Variants in NR1I3 observed in about 807,000 individuals in gnomAD.
NR1I3 encodes the protein nuclear receptor subfamily 1 group I member 3, also known as constitutive activator of retinoid response.
In NR1I3, 30 loss-of-function variants were observed where a neutral mutation model predicts 38.4. The observed-to-expected ratio is 0.78, with a 90% CI of 0.58 to 1.06. The LOEUF (loss-of-function observed/expected upper bound fraction) is 1.06, where lower values mean the gene tolerates loss of function less well. Among genes scored for constraint, NR1I3 ranks in the 50% least tolerant of loss-of-function variants. NR1I3 has a pLI of 0.00. For synonymous variants in NR1I3, 143 were observed against 165.1 expected (o/e 0.87, Z 1.03); for missense variants, 388 against 435.7 (o/e 0.89, Z 0.97).
At position 161,236,538 on chromosome 1, in the gene NR1I3, T is replaced by A. The variant is rs1668632584; in HGVS notation, c.28A>T (p.Asn10Tyr). Residue 10 changes from asparagine to tyrosine, a missense_variant, in exon 2 of 9, where the codon AAC becomes TAC. Physicochemically the swap from Asn to Tyr is moderately radical, Grantham distance 143. Transcript: ENST00000367983. ...GCTTGGTCCCCACATACCACACAGT[T>A]CCTCAGCTCATCTTCCCTACTGGCC... is the stretch of plus-strand genomic sequence containing the variant. MASREDELRNCVVCGDQATG... is the reference protein window; with the variant it reads MASREDELRYCVVCGDQATG... 1 of 1,613,978 alleles carries A rather than the reference T, an allele frequency of 6.2e-7. No individual in the cohort carries two copies. Among genetic ancestry groups the A allele is most frequent in the African/African-American group, 1.3e-5 (1 of 74,888 alleles).
intron 1 of NR1I3, among the ~76,000 whole-genome samples, chr1:161,236,802 A>C (rs1668685512): frequency 6.6e-6 from 1 of 151,142 alleles, no homozygotes; most frequent in Non-Finnish European, 1.5e-5. Flanking sequence ...ATCTCTGCTC[A>C]TTGCAACCTC....
In NR1I3 at chr1:161,238,123, G is replaced by A; in HGVS notation, c.-116C>T. The A allele has an allele frequency of 1.2e-6, 2 of 1,608,888 alleles. No homozygotes were observed. Among genetic ancestry groups the A allele is most frequent in the Non-Finnish European group, 1.7e-6 (2 of 1,175,606 alleles). On this transcript the variant is annotated 5_prime_UTR_variant, in exon 1 of 9. Transcript: ENST00000367983. ...CTCCCCAAACTCCCACGCTGTTGCT[G>A]GTTTTCCTCTGATCTCAGGAGTTGC...
Position 161,229,703 on chromosome 1 carries a change from CT to C in NR1I3, c.*93del, listed in dbSNP as rs778081793. ...TCTTTCATTGCAACCACTGGGCTCC[CT>C]TTGAACCCGGCCCAATCTTTGGTCC... On this transcript the variant is annotated 3_prime_UTR_variant, in exon 9 of 9. Coordinates refer to ENST00000367983, the MANE Select transcript of NR1I3 (RefSeq NM_005122.5). The C allele has an allele frequency of 6.0e-5, 97 of 1,614,042 alleles. No homozygotes were observed. In the South Asian group the frequency reaches 1.0e-3, roughly 17 times the overall value.
intron 3 of NR1I3, among the ~76,000 whole-genome samples, chr1:161,234,985 CA>C (rs1231870415): frequency 6.6e-6 from 1 of 151,856 alleles, no homozygotes; most frequent in African/African-American, 2.4e-5. Flanking sequence ...ACTAAAAATA[CA>C]AAAAATTAGC....
chr1:161,237,143 C>T (rs1668756309), intron 1 of NR1I3, among the ~76,000 whole-genome samples: 1 of 151,580 alleles, frequency 6.6e-6, no homozygotes, highest in African/African-American at 2.4e-5. Flanking sequence ...CACACCACCA[C>T]ACCAGGATAT....
intron 8 of NR1I3, chr1:161,230,133 G>C (rs1214402365): frequency 1.7e-6 from 1 of 579,178 alleles, no homozygotes; most frequent in Admixed American, 3.2e-5. Flanking sequence ...CTCTCACCAT[G>C]CTCAGTTTTT....
chr1:161,232,793 G>C lies in NR1I3; in HGVS notation c.548+14C>G. On this transcript the variant is annotated intron_variant, in intron 5 of 8. Coordinates refer to ENST00000367983, the MANE Select transcript of NR1I3 (RefSeq NM_005122.5). ...AAGTGTTTGCCTCCTGAAAGATGAGGGGAGGTCACTCACCGGAAGACGGGC... is the reference window on the plus strand; with the variant it reads ...AAGTGTTTGCCTCCTGAAAGATGAGCGGAGGTCACTCACCGGAAGACGGGC... 1 of 1,613,862 alleles carries C rather than the reference G, an allele frequency of 6.2e-7. No individual in the cohort carries two copies. The highest frequency in any genetic ancestry group is 8.5e-7 in the Non-Finnish European group (1 of 1,179,764).
At position 161,231,104 on chromosome 1, in the gene NR1I3, G is replaced by A. The variant is rs931528629; in HGVS notation, c.811+13C>T. 2 of 1,614,014 alleles carry A rather than the reference G, an allele frequency of 1.2e-6. No individual in the cohort carries two copies. The highest frequency in any genetic ancestry group is 1.7e-6 in the Non-Finnish European group (2 of 1,180,032). ...GGTGCAGCAAAAGGCTCTGGGCTTT[G>A]GGAGGTGCTCACCAGGAGAGAAGAG... On this transcript the variant is annotated intron_variant, in intron 7 of 8. Coordinates refer to ENST00000367983, the MANE Select transcript of NR1I3 (RefSeq NM_005122.5).
rs764903201 is a variant in NR1I3 at position 161,236,472 on chromosome 1, T to G, written c.94A>C (p.Lys32Gln). ...HFNALTCEGCKGFFRRTVSKS... is the reference protein window; with the variant it reads ...HFNALTCEGCQGFFRRTVSKS... ...GGAGACTCTCACCTGAAGAAACCCT[T>G]GCAGCCCTCACAAGTCAGCGCATTA... The change falls in exon 2 of 9, where the codon AAG becomes CAG. Residue 32 changes from lysine (K) to glutamine (Q), a missense_variant. Physicochemically the swap from Lys to Gln is moderately conservative, Grantham distance 53. Coordinates refer to ENST00000367983, the MANE Select transcript of NR1I3 (RefSeq NM_005122.5). The G allele has an allele frequency of 6.2e-7, 1 of 1,614,168 alleles. No individual in the cohort carries two copies. The highest frequency in any genetic ancestry group is 1.7e-5 in the Admixed American group (1 of 60,014).
In NR1I3 at chr1:161,233,289, C is replaced by T. The variant is rs141229326; in HGVS notation, c.288G>A (p.Gln96=). Residue 96 remains glutamine (Q), a synonymous_variant, in exon 4 of 9, where the codon CAG becomes CAA. Transcript: ENST00000367983. ...ALALRRAKQA[Q]RRAQQTPVQL... is the part of the protein sequence containing the mutation. ...GCACAGGTGTTTGCTGTGCCCGCCG[C>T]TGGGCCTGCTTTGCTCGCCGCAATG... 92 of 1,613,664 alleles carry T rather than the reference C, an allele frequency of 5.7e-5. No homozygotes were observed. In the African/African-American group the frequency reaches 8.8e-4, roughly 15 times the overall value.
In NR1I3 at chr1:161,238,094, G is replaced by A; in HGVS notation, c.-87C>T. 1 of 1,613,526 alleles carries A rather than the reference G, an allele frequency of 6.2e-7. No homozygotes were observed. Among genetic ancestry groups the A allele is most frequent in the Non-Finnish European group, 8.5e-7 (1 of 1,179,470 alleles). ...CAGGCCACAGAATCTGGTATGGAATGCCTCTCCCCAAACTCCCACGCTGTT... is the reference window on the plus strand; with the variant it reads ...CAGGCCACAGAATCTGGTATGGAATACCTCTCCCCAAACTCCCACGCTGTT... On this transcript the variant is annotated 5_prime_UTR_variant, in exon 1 of 9. Transcript: ENST00000367983.
In NR1I3 at chr1:161,235,140, C is replaced by CA. The variant is rs915382476; in HGVS notation, c.238+706dup. ...TGGGCAACAGAGTATGAGACTCTAT[C>CA]AAAAAAAATAGAAAGAAAAGAAAAG... On this transcript the variant is annotated intron_variant, in intron 3 of 8. Coordinates refer to ENST00000367983, the MANE Select transcript of NR1I3 (RefSeq NM_005122.5). 4.7e-5 allele frequency: 7 copies of CA among 147,556 alleles called. 1 individual carries two copies. The highest frequency in any genetic ancestry group is 1.1e-3 in the Middle Eastern group (1 of 938). The allele number at this position is 147,556 out of a possible 1,614,324, so 9.1% of individuals were successfully genotyped here.
rs1666660521 is a variant in NR1I3, at chr1:161,229,727, T to C, written c.*70A>G. On this transcript the variant is annotated 3_prime_UTR_variant, in exon 9 of 9. Coordinates refer to ENST00000367983, the MANE Select transcript of NR1I3 (RefSeq NM_005122.5). ...CCTTTGAACCCGGCCCAATCTTTGG[T>C]CCCAGCATTTTCCCACTCCAGTGTA... is the stretch of plus-strand genomic sequence containing the variant. The C allele has an allele frequency of 2.5e-6, 4 of 1,614,208 alleles. No individual in the cohort carries two copies. The highest frequency in any genetic ancestry group is 4.5e-5 in the East Asian group (2 of 44,886).
chr1:161,236,723 G>A (rs1668663396), intron 1 of NR1I3, 125 bp from the exon 2 acceptor site: 4 of 516,792 alleles, frequency 7.7e-6, no homozygotes, highest in South Asian at 4.5e-5. Context: ...GTTATCTTTT[G>A]TGGTTTTCTT....
At chr1:161,235,262 T>TTTC in intron 3 of NR1I3, 1 of 88,906 alleles carries the variant, frequency 1.1e-5, no homozygotes, top group Non-Finnish European at 2.7e-5. Context: ...TGGTGTTTTT[T>TTTC]TTTTTTTTTT....
chr1:161,235,666 C>G, intron 3 of NR1I3, 181 bp downstream of exon 3: 1 of 638,672 alleles, frequency 1.6e-6, no homozygotes, highest in Admixed American at 3.0e-5. Context: ...TGTGGGAGAG[C>G]TAGATCATGA....
rs755856811 is a variant in NR1I3, at chr1:161,235,884, C to A, written c.201G>T (p.Arg67Ser). ...KTQRRHCPAC[R>S]LQKCLDAGMR... ...TGCCAGCATCTAAGCACTTCTGCAA[C>A]CTGCAGGCTGGGCAGTGGCGCCTCT... Residue 67 changes from arginine (R) to serine (S), a missense_variant, in exon 3 of 9, where the codon AGG (arginine) becomes AGT (serine). Coordinates refer to ENST00000367983, the MANE Select transcript of NR1I3 (RefSeq NM_005122.5). The A allele has an allele frequency of 1.2e-6, 2 of 1,614,182 alleles. No homozygotes were observed. Among genetic ancestry groups the A allele is most frequent in the Non-Finnish European group, 1.7e-6 (2 of 1,180,016 alleles).
intron 1 of NR1I3, among the ~76,000 whole-genome samples, 175 bp downstream of exon 1, chr1:161,237,866 G>A (rs1425719289): frequency 6.6e-6 from 1 of 151,798 alleles, no homozygotes; most frequent in East Asian, 1.9e-4. Flanking sequence ...TTTCTTTTTT[G>A]TAGAGATGGG....
chr1:161,237,670 A>G (rs1003378311), intron 1 of NR1I3, among the ~76,000 whole-genome samples: 1 of 151,160 alleles, frequency 6.6e-6, no homozygotes, highest in African/African-American at 2.4e-5. Flanking sequence ...GCGAGCCGAG[A>G]TTGCGCCACT....
Sources: allele counts gnomAD v4.1 joint callset (sites outside exome capture counted in the v4.1 genomes callset), GRCh38; gene constraint gnomAD v4.1.1; transcripts MANE v1.5; gene names NCBI Gene and HGNC (gene_info 2026-07-23, HGNC 2026-07-21).